DCAF6: variants seen among roughly 807,000 people sequenced by gnomAD.
DCAF6 encodes DDB1- and CUL4-associated factor 6.
Under a neutral mutation model 125.1 loss-of-function variants are expected in DCAF6, and 54 were observed. The observed-to-expected ratio is 0.43, with a 90% CI of 0.35 to 0.54. The LOEUF (loss-of-function observed/expected upper bound fraction) is 0.54, where lower values mean the gene tolerates loss of function less well. Ranked by LOEUF, DCAF6 falls within the 20% of genes least tolerant of loss-of-function variation. DCAF6 has a pLI of 0.01. For missense variants in DCAF6, 934 were observed against 1,161.7 expected, an observed-to-expected ratio of 0.80 and a Z score of 2.85; for synonymous variants, 371 against 390.4, an observed-to-expected ratio of 0.95 and a Z score of 0.58.
At chr1:168,043,180 C>G (rs762542603) in intron 14 of DCAF6, 40 bp downstream of exon 14, 3 of 1,431,376 alleles carry the variant, frequency 2.1e-6, no homozygotes, top group South Asian at 2.4e-5. Context: ...AAAATTGCAG[C>G]ATTGGATGTT....
chr1:167,887,495 T>C, the DCAF6 span, among the ~76,000 whole-genome samples: 1 of 151,850 alleles, frequency 6.6e-6, no homozygotes, highest in Non-Finnish European at 1.5e-5. Context: ...AATTGAACAA[T>C]GAGAACACTT....
intron 4 of DCAF6, among the ~76,000 whole-genome samples, chr1:167,976,899 T>G (rs1314869966): frequency 3.4e-5 from 4 of 116,944 alleles, no homozygotes; most frequent in African/African-American, 1.1e-4. Flanking sequence ...TTTTTTTTTT[T>G]TTTTTTTTTT....
intron 5 of DCAF6, among the ~76,000 whole-genome samples, 174 bp downstream of exon 5, chr1:167,987,782 T>C (rs1312243099): frequency 6.6e-6 from 1 of 152,158 alleles, no homozygotes; most frequent in Non-Finnish European, 1.5e-5. Flanking sequence ...AGCATATAGT[T>C]TATAATCAGA....
the DCAF6 span, among the ~76,000 whole-genome samples, chr1:167,894,859 C>T: frequency 0.048 from 7,335 of 152,168 alleles, 589 homozygotes; most frequent in African/African-American, 0.17. Context: ...CCAATGAAAT[C>T]CTGCACTAAC....
intron 16 of DCAF6, among the ~76,000 whole-genome samples, chr1:168,050,561 C>G (rs1055295296): frequency 6.6e-6 from 1 of 152,088 alleles, no homozygotes; most frequent in Non-Finnish European, 1.5e-5. Flanking sequence ...GGAGCATGTA[C>G]GTGTTCCAGA....
the DCAF6 span, among the ~76,000 whole-genome samples, chr1:167,878,815 G>A: frequency 1.3e-5 from 2 of 152,218 alleles, no homozygotes; most frequent in African/African-American, 4.8e-5. Context: ...AAATGTGCAG[G>A]GAGTTAGTTA....
the DCAF6 span, among the ~76,000 whole-genome samples, chr1:167,916,158 A>G: frequency 1.3e-5 from 2 of 152,244 alleles, no homozygotes; most frequent in African/African-American, 4.8e-5. Context: ...TGTGAAACTG[A>G]TAACTAGGCT....
chr1:168,065,637 T>C lies in DCAF6; in HGVS notation c.2487T>C (p.Ser829=). 1.2e-6 allele frequency: 2 copies of C among 1,613,064 alleles called. No individual in the cohort carries two copies. Among genetic ancestry groups the C allele is most frequent in the Non-Finnish European group, 1.7e-6 (2 of 1,179,328 alleles). The change falls in exon 19 of 22, where the codon TCT becomes TCC. Residue 829 remains serine (S), a synonymous_variant. Transcript: ENST00000367840. ...FWGANFVMSG[S]DCGHIFIWDR... ...GTGCTAACTTTGTAATGAGTGGTTCTGACTGTGGCCACATTTTCATCTGGG... is the reference window on the plus strand; with the variant it reads ...GTGCTAACTTTGTAATGAGTGGTTCCGACTGTGGCCACATTTTCATCTGGG...
chr1:167,919,449 A>C, the DCAF6 span, among the ~76,000 whole-genome samples: 1 of 152,226 alleles, frequency 6.6e-6, no homozygotes, highest in Non-Finnish European at 1.5e-5. Context: ...ATTATCATAA[A>C]TCACTGACAA....
the DCAF6 span, among the ~76,000 whole-genome samples, chr1:167,866,420 T>G: frequency 1.7e-3 from 260 of 150,154 alleles, 1 homozygote; most frequent in African/African-American, 6.3e-3. Context: ...TTAGATAAAT[T>G]ATATCTATTA....
intron 1 of DCAF6, among the ~76,000 whole-genome samples, chr1:167,944,511 A>G (rs756092017): frequency 6.6e-6 from 1 of 152,172 alleles, no homozygotes; most frequent in Non-Finnish European, 1.5e-5. Context: ...TCTGACTAGG[A>G]TAAGGTGATA....
At position 167,936,916 on chromosome 1, in the gene DCAF6, C is replaced by T. The variant is rs1671328062; in HGVS notation, c.5C>T (p.Ser2Phe). ...CCACCCGGCTCAGGCAGAGCCATGTCTCGGGGTGGCTCCTACCCACACCTG... is the reference window on the plus strand; with the variant it reads ...CCACCCGGCTCAGGCAGAGCCATGTTTCGGGGTGGCTCCTACCCACACCTG... M[S>F]RGGSYPHLLW... Residue 2 changes from serine to phenylalanine, a missense_variant, in exon 1 of 22, where the codon TCT (serine) becomes TTT (phenylalanine). This residue lies in a region of DCAF6 where 309 missense variants were observed against 381.2 expected (regional missense o/e 0.81). Coordinates refer to ENST00000367840, the MANE Select transcript of DCAF6 (RefSeq NM_001198956.2). The T allele has an allele frequency of 1.2e-6, 2 of 1,602,270 alleles. No individual in the cohort carries two copies. The highest frequency in any genetic ancestry group is 1.1e-5 in the South Asian group (1 of 88,896).
intron 1 of DCAF6, among the ~76,000 whole-genome samples, chr1:167,937,947 G>A (rs570388902): frequency 9.9e-5 from 15 of 151,930 alleles, no homozygotes; most frequent in South Asian, 2.1e-4. Flanking sequence ...AAAAGTGTTT[G>A]TTGCTCTCAT....
At chr1:167,901,536 C>T in the DCAF6 span, 1 of 1,000,946 alleles carries the variant, frequency 1.0e-6, no homozygotes, top group Non-Finnish European at 1.6e-6. Context: ...GTCCTGATGC[C>T]AAAGTTCAGG....
the DCAF6 span, among the ~76,000 whole-genome samples, chr1:167,908,155 G>A: frequency 6.6e-6 from 1 of 152,114 alleles, no homozygotes; most frequent in Non-Finnish European, 1.5e-5. Context: ...CAACCTAATT[G>A]TTCATCAACA....
chr1:167,978,991 C>G (rs557514268), intron 4 of DCAF6, among the ~76,000 whole-genome samples: 1 of 152,230 alleles, frequency 6.6e-6, no homozygotes, highest in South Asian at 2.1e-4. Context: ...ATATGTTGGT[C>G]TGCTCCTTTA....
intron 11 of DCAF6, among the ~76,000 whole-genome samples, chr1:168,017,704 G>A (rs1287271874): frequency 2.0e-5 from 3 of 152,012 alleles, no homozygotes; most frequent in African/African-American, 7.2e-5. Context: ...ATAATTAAAT[G>A]CAGTTTTGTA....
chr1:167,876,990 C>T, the DCAF6 span, among the ~76,000 whole-genome samples: 3 of 152,088 alleles, frequency 2.0e-5, no homozygotes, highest in Non-Finnish European at 4.4e-5. Flanking sequence ...GTCTGTTGAA[C>T]CCCAGGCACG....
the DCAF6 span, among the ~76,000 whole-genome samples, chr1:167,888,120 C>A: frequency 0.061 from 9,298 of 152,238 alleles, 372 homozygotes; most frequent in Middle Eastern, 0.12. Flanking sequence ...TTTCTCTATT[C>A]TGTTCCACTG....
Sources: allele counts gnomAD v4.1 joint callset (sites outside exome capture counted in the v4.1 genomes callset), GRCh38; gene constraint gnomAD v4.1.1; regional missense constraint gnomAD v4.1.1; transcripts MANE v1.5; gene names NCBI Gene and HGNC (gene_info 2026-07-23, HGNC 2026-07-21).